PRR5L: variants seen among roughly 807,000 people sequenced by gnomAD.
PRR5L encodes the protein proline rich 5 like, also known as proline-rich protein 5-like.
In PRR5L, 21 loss-of-function variants were observed where a neutral mutation model predicts 36.4. That is an observed-to-expected ratio of 0.58 (90% CI 0.41 to 0.83). The LOEUF is 0.83. Ranked by LOEUF, PRR5L falls within the 40% of genes least tolerant of loss-of-function variation. PRR5L has a pLI of 0.00. For missense variants in PRR5L, 381 were observed against 473.3 expected, an observed-to-expected ratio of 0.80 and a Z score of 1.81; for synonymous variants, 188 against 197.0, an observed-to-expected ratio of 0.95 and a Z score of 0.38.
chr11:36,402,657 A>C (rs1016767769), intron 2 of PRR5L, among the ~76,000 whole-genome samples: 1 of 152,252 alleles, frequency 6.6e-6, no homozygotes, highest in Non-Finnish European at 1.5e-5. Flanking sequence ...TTTAAAGGAA[A>C]GGCCAGGGGC....
Position 36,389,800 on chromosome 11 carries a change from C to T in PRR5L, c.-125-11197C>T, listed in dbSNP as rs535506832. 2.1e-4 allele frequency among the ~76,000 whole-genome samples: 32 copies of T among 152,032 alleles called. No individual in the cohort carries two copies. The South Asian group carries it at 5.2e-3, about 25-fold the overall frequency. On this transcript the variant is annotated intron_variant, in intron 1 of 8. Transcript: ENST00000530639. ...GCTAGTTTTGTATTTTTGGTAGAGA[C>T]GGGGGTTTCGCCATGTTGGCCAGGC...
intron 1 of PRR5L, chr11:36,376,368 AGGAGG>A: frequency 4.4e-6 from 5 of 1,142,524 alleles, no homozygotes; most frequent in Non-Finnish European, 5.5e-6. Context: ...GAGGAGGAGG[AGGAGG>A]AGGCGGCCGT....
chr11:36,374,665 A>ATAATAGCT (rs1857235606), intron 1 of PRR5L, among the ~76,000 whole-genome samples: 1 of 152,166 alleles, frequency 6.6e-6, no homozygotes, highest in Non-Finnish European at 1.5e-5. Context: ...GATAGGAAAA[A>ATAATAGCT]TAATAGCTTA....
At chr11:36,451,444 G>A in intron 8 of PRR5L, 109 bp downstream of exon 8, 1 of 1,356,384 alleles carries the variant, frequency 7.4e-7, no homozygotes, top group Non-Finnish European at 1.0e-6. Context: ...GTTTAACTGA[G>A]CACAGCCTTT....
At chr11:36,427,787 C>G (rs943674928) in intron 4 of PRR5L, among the ~76,000 whole-genome samples, 3 of 152,160 alleles carry the variant, frequency 2.0e-5, no homozygotes, top group African/African-American at 7.2e-5. Flanking sequence ...TCCTGAATGC[C>G]ATTCTTCTCA....
chr11:36,321,803 A>G (rs1265654922), intron 1 of PRR5L, among the ~76,000 whole-genome samples: 1 of 152,186 alleles, frequency 6.6e-6, no homozygotes, highest in Admixed American at 6.6e-5. Context: ...ATCAAGGTGC[A>G]GCAGGGTTGG....
intron 1 of PRR5L, among the ~76,000 whole-genome samples, chr11:36,352,821 T>C (rs1421791544): frequency 6.6e-6 from 1 of 152,128 alleles, no homozygotes; most frequent in East Asian, 1.9e-4. Context: ...CACTATTGAC[T>C]TTTGGACAGA....
chr11:36,297,653 C>T (rs1856327086), intron 1 of PRR5L, among the ~76,000 whole-genome samples: 1 of 152,180 alleles, frequency 6.6e-6, no homozygotes, highest in Non-Finnish European at 1.5e-5. Flanking sequence ...TATGGGCCCC[C>T]TTCAGGAATC....
intron 1 of PRR5L, among the ~76,000 whole-genome samples, chr11:36,313,641 G>A (rs75920436): frequency 0.047 from 7,168 of 152,234 alleles, 170 homozygotes; most frequent in African/African-American, 0.063. Context: ...GTTCATTCCC[G>A]ATGTCTTTTC....
At chr11:36,409,595 G>A (rs1230290718) in intron 3 of PRR5L, among the ~76,000 whole-genome samples, 1 of 152,204 alleles carries the variant, frequency 6.6e-6, no homozygotes, top group East Asian at 1.9e-4. Context: ...ACCCACAGTA[G>A]GGGGGAAGAG....
intron 1 of PRR5L, among the ~76,000 whole-genome samples, chr11:36,316,555 T>G (rs1467294301): frequency 6.6e-6 from 1 of 152,042 alleles, no homozygotes; most frequent in Non-Finnish European, 1.5e-5. Flanking sequence ...GGGGTTGAAA[T>G]GAGGTTTTCT....
chr11:36,453,041 C>CA (rs745431330), intron 8 of PRR5L, among the ~76,000 whole-genome samples: 1 of 152,268 alleles, frequency 6.6e-6, no homozygotes, highest in Non-Finnish European at 1.5e-5. Context: ...TCAGGGGTGG[C>CA]AGCTTGTGGC....
chr11:36,357,969 G>T (rs1857046042), intron 1 of PRR5L, among the ~76,000 whole-genome samples: 1 of 152,190 alleles, frequency 6.6e-6, no homozygotes, highest in Non-Finnish European at 1.5e-5. Flanking sequence ...TTCTAGAAAG[G>T]ATTAACCATT....
chr11:36,361,809 A>G (rs998110232), intron 1 of PRR5L, among the ~76,000 whole-genome samples: 4 of 152,144 alleles, frequency 2.6e-5, no homozygotes, highest in Non-Finnish European at 4.4e-5. Context: ...TTAGAGCAGC[A>G]GGTTCTAGGT....
intron 1 of PRR5L, among the ~76,000 whole-genome samples, chr11:36,379,808 A>G (rs1384848296): frequency 2.0e-5 from 3 of 152,168 alleles, no homozygotes; most frequent in African/African-American, 7.2e-5. Context: ...TTACTTTGAA[A>G]CTTGTACAGT....
At chr11:36,326,436 C>T (rs1247491074) in intron 1 of PRR5L, among the ~76,000 whole-genome samples, 1 of 151,364 alleles carries the variant, frequency 6.6e-6, no homozygotes, top group East Asian at 1.9e-4. Flanking sequence ...TCAATTTTCC[C>T]AGTTTTCTCC....
chr11:36,425,946 G>C (rs1653693907), intron 4 of PRR5L: 1 of 152,276 alleles, frequency 6.6e-6, no homozygotes, highest in South Asian at 2.1e-4. Flanking sequence ...CAGGTTCTGG[G>C]AAGGCAGAGC....
chr11:36,341,115 A>C (rs964629694), intron 1 of PRR5L, among the ~76,000 whole-genome samples: 2 of 152,290 alleles, frequency 1.3e-5, no homozygotes, highest in South Asian at 4.2e-4. Context: ...CTAAGTAAGC[A>C]TACTGGCCTT....
intron 1 of PRR5L, among the ~76,000 whole-genome samples, chr11:36,386,012 T>C (rs1425013926): frequency 4.6e-5 from 7 of 152,212 alleles, no homozygotes; most frequent in East Asian, 1.9e-4. Flanking sequence ...TTAAAAATAT[T>C]TGGGCAGGCA....
Sources: gnomAD v4.1 joint callset for allele counts (sites outside exome capture counted in the v4.1 genomes callset) on GRCh38, gnomAD v4.1.1 for gene constraint, MANE v1.5 for transcripts, NCBI Gene and HGNC (gene_info 2026-07-23, HGNC 2026-07-21) for gene names.